The following REPS2 variants were observed in gnomAD, a reference collection of about 807,000 sequenced individuals.
The protein encoded by REPS2 is RALBP1 associated Eps domain containing 2.
A neutral mutation model predicts 53.6 loss-of-function variants in REPS2; 23 were observed. The ratio of observed to expected loss-of-function variants is 0.43; its 90% confidence interval spans 0.31 to 0.61. The LOEUF is 0.61. REPS2 is among the 20% of genes least tolerant of loss of function. The pLI, the probability that REPS2 is intolerant of heterozygous loss-of-function variation, is 0.11. For missense variants in REPS2, 446 were observed against 534.9 expected (o/e 0.83, Z 1.64); for synonymous variants, 238 against 218.6 (o/e 1.09, Z -0.78).
chrX:17,004,090 G>GTGTA (rs2061335470), intron 1 of REPS2, among the ~76,000 whole-genome samples: 1 of 111,635 alleles, frequency 9.0e-6, no homozygotes, highest in African/African-American at 3.3e-5. Context: ...TTTGCACAAT[G>GTGTA]TGTAACCTAA....
At chrX:16,981,482 G>C (rs182411617) in intron 1 of REPS2, among the ~76,000 whole-genome samples, 1 of 113,084 alleles carries the variant, frequency 8.8e-6, no homozygotes, top group Non-Finnish European at 1.9e-5. Flanking sequence ...TAATTTACGT[G>C]TTCTCTAGCA....
intron 14 of REPS2, among the ~76,000 whole-genome samples, chrX:17,124,743 G>A (rs1410852336): frequency 9.1e-6 from 1 of 110,063 alleles, no homozygotes; most frequent in African/African-American, 3.3e-5. Flanking sequence ...AATCCACCTG[G>A]ATCCTTGGAT....
intron 1 of REPS2, among the ~76,000 whole-genome samples, chrX:16,988,146 A>G (rs2061114899): frequency 9.0e-6 from 1 of 111,266 alleles, no homozygotes; most frequent in African/African-American, 3.3e-5. Flanking sequence ...GCAGGGTGTT[A>G]TGGTGCATGT....
intron 1 of REPS2, among the ~76,000 whole-genome samples, chrX:17,002,241 G>A (rs1450786136): frequency 9.0e-6 from 1 of 111,052 alleles, no homozygotes; most frequent in Non-Finnish European, 1.9e-5. Flanking sequence ...ATGTGTGTGA[G>A]TTTGTGTGTA....
At chrX:17,061,468 A>T (rs1038323738) in intron 8 of REPS2, among the ~76,000 whole-genome samples, 1 of 112,213 alleles carries the variant, frequency 8.9e-6, no homozygotes, top group East Asian at 2.8e-4. Context: ...GCAGAAGGAT[A>T]TTGGCATTTC....
intron 15 of REPS2, among the ~76,000 whole-genome samples, chrX:17,134,163 A>T (rs1275791655): frequency 9.0e-6 from 1 of 111,576 alleles, no homozygotes; most frequent in Non-Finnish European, 1.9e-5. Flanking sequence ...GGCCTTGTTT[A>T]TGGCAAGAGC....
At chrX:17,167,449 C>T in the REPS2 span, among the ~76,000 whole-genome samples, 1 of 110,659 alleles carries the variant, frequency 9.0e-6, no homozygotes, top group Non-Finnish European at 1.9e-5. Flanking sequence ...TGTAACACCT[C>T]TCCTGAACCT....
Position 16,957,397 on chromosome X carries a change from C to T in REPS2, c.273+10263C>T, listed in dbSNP as rs368446126. 2.1e-4 allele frequency among the ~76,000 whole-genome samples: 20 copies of T among 97,217 alleles called. No individual in the cohort carries two copies. The East Asian group carries it at 2.8e-3, about 14-fold the overall frequency. The allele number at this position is 97,217 out of a possible 115,157, so 84.4% of individuals were successfully genotyped here. A position where few individuals can be genotyped will look rare whatever the true frequency, so the allele number is the denominator to read the frequency against. ...TGTACTCCAGCCTAGGCGACAGAGG[C>T]GAGATTCTGTCTCAAAAAAAAAAAA... On this transcript the variant is annotated intron_variant, in intron 1 of 17. Coordinates refer to ENST00000357277, the MANE Select transcript of REPS2 (RefSeq NM_004726.3).
In REPS2 at chrX:16,946,763, G is replaced by C. The variant is rs2060433565; in HGVS notation, c.-99G>C. ...TGGCGGCGGCGGTGGTGGCGGCGGC[G>C]GCGGCGGCGGCAGCTGAGGCCGAGG... On this transcript the variant is annotated 5_prime_UTR_variant, in exon 1 of 18. Coordinates refer to ENST00000357277, the MANE Select transcript of REPS2 (RefSeq NM_004726.3). The C allele has an allele frequency of 1.3e-6, 1 of 752,773 alleles. No individual in the cohort carries two copies. The highest frequency in any genetic ancestry group is 6.6e-5 in the South Asian group (1 of 15,236). 62.0% of individuals were successfully genotyped at this position (752,773 alleles called of 1,213,427 possible). A position where few individuals can be genotyped will look rare whatever the true frequency, so the allele number is the denominator to read the frequency against.
chrX:17,062,466 A>G lies in REPS2; in HGVS notation c.1143A>G (p.Gln381=), dbSNP rs369212258. Residue 381 remains glutamine (Q), a synonymous_variant, in exon 9 of 18, where the codon CAA becomes CAG. Coordinates refer to ENST00000357277, the MANE Select transcript of REPS2 (RefSeq NM_004726.3). ...AAFPKPKWDC[Q]LFDSYSESLP... is the part of the protein sequence containing the mutation. ...TTCCTAAGCCCAAATGGGACTGTCA[A>G]TTATTTGATTCTTATTCTGAGTCAC... 5 of 1,204,881 alleles carry G rather than the reference A, an allele frequency of 4.1e-6. No individual in the cohort carries two copies. The highest frequency in any genetic ancestry group is 4.5e-5 in the Admixed American group (2 of 44,906).
In REPS2 at chrX:17,149,094, G is replaced by T; in HGVS notation, c.*1613G>T. 3.5e-6 allele frequency: 1 copy of T among 283,128 alleles called. No individual in the cohort carries two copies. The highest frequency in any genetic ancestry group is 9.1e-5 in the East Asian group (1 of 10,973). The allele number at this position is 283,128 out of a possible 1,213,427, so 23.3% of individuals were successfully genotyped here. ...TTGAATCTATTCCGTGCATATTTAA[G>T]GATTTTGAATTGATTTTGAAAATCA... On this transcript the variant is annotated 3_prime_UTR_variant, in exon 18 of 18. Transcript: ENST00000357277.
chrX:17,130,286 A>T (rs2063274295), intron 14 of REPS2, among the ~76,000 whole-genome samples: 1 of 110,637 alleles, frequency 9.0e-6, no homozygotes, highest in Admixed American at 9.5e-5. Context: ...GGTACTTCAA[A>T]CTCAATCTGC....
At chrX:16,975,086 T>G (rs2060939931) in intron 1 of REPS2, among the ~76,000 whole-genome samples, 1 of 112,284 alleles carries the variant, frequency 8.9e-6, no homozygotes, top group African/African-American at 3.2e-5. Flanking sequence ...ATGGTGTATA[T>G]GTACCACATT....
At chrX:17,053,114 C>T (rs1236902272) in intron 7 of REPS2, among the ~76,000 whole-genome samples, 1 of 111,445 alleles carries the variant, frequency 9.0e-6, no homozygotes, top group Non-Finnish European at 1.9e-5. Flanking sequence ...GGCAGGAGAT[C>T]GCACTGCTAT....
chrX:17,177,912 A>T, the REPS2 span, among the ~76,000 whole-genome samples: 1 of 111,266 alleles, frequency 9.0e-6, no homozygotes, highest in Non-Finnish European at 1.9e-5. Context: ...GTCTGGTCTC[A>T]ACTCTACAGG....
intron 14 of REPS2, among the ~76,000 whole-genome samples, chrX:17,107,771 G>A (rs906402378): frequency 1.8e-5 from 2 of 112,214 alleles, no homozygotes; most frequent in Non-Finnish European, 3.8e-5. Flanking sequence ...ACATTTTCCT[G>A]TGGCAAGACT....
At chrX:17,074,324 A>G (rs2062350549) in intron 12 of REPS2, among the ~76,000 whole-genome samples, 165 bp downstream of exon 12, 1 of 112,288 alleles carries the variant, frequency 8.9e-6, no homozygotes, top group African/African-American at 3.2e-5. Flanking sequence ...ACATGCAGTA[A>G]TGCTGGGAGC....
chrX:16,976,856 C>G (rs2060961290), intron 1 of REPS2, among the ~76,000 whole-genome samples: 1 of 111,669 alleles, frequency 9.0e-6, no homozygotes, highest in African/African-American at 3.3e-5. Flanking sequence ...GGTGGTGACC[C>G]ACCTAGTTTG....
chrX:17,096,434 C>T (rs1312017023), intron 13 of REPS2, among the ~76,000 whole-genome samples: 1 of 109,083 alleles, frequency 9.2e-6, no homozygotes, highest in Non-Finnish European at 1.9e-5. Context: ...CCGAGGCGGG[C>T]GGATCACGAG....
Sources: allele counts gnomAD v4.1 joint callset (sites outside exome capture counted in the v4.1 genomes callset), GRCh38; gene constraint gnomAD v4.1.1; transcripts MANE v1.5; gene names NCBI Gene and HGNC (gene_info 2026-07-23, HGNC 2026-07-21).